The following ITGA5 variants were observed in gnomAD, a reference collection of about 807,000 sequenced individuals.
ITGA5 encodes integrin subunit alpha 5, also known as integrin alpha-5.
A neutral mutation model predicts 146.3 loss-of-function variants in ITGA5; 55 were observed. The observed-to-expected ratio is 0.38, with a 90% confidence interval of 0.30 to 0.47. ITGA5 has a LOEUF of 0.47. Among genes scored for constraint, ITGA5 ranks in the 20% least tolerant of loss-of-function variants. ITGA5 has a pLI of 0.99. For missense variants in ITGA5, 1,131 were observed against 1,329.0 expected (o/e 0.85, Z 2.32); for synonymous variants, 500 against 531.8 (o/e 0.94, Z 0.82).
rs1301500930 is a variant in ITGA5 at position 54,405,337 on chromosome 12, C to T, written c.1054G>A (p.Asp352Asn). The change falls in exon 12 of 30, where the codon GAT becomes AAT. Residue 352 changes from aspartate (D) to asparagine (N), a missense_variant. Around this residue, in one of 3 missense-constraint regions of ITGA5, gnomAD observed 889 missense variants for 1,021.5 expected, o/e 0.87. Transcript: ENST00000293379. ...TGAGGCCGCCCGTCAGGGGTCCGATCCATGAGCAGGGGTGCCCCCACCAGC... is the reference window on the plus strand; with the variant it reads ...TGAGGCCGCCCGTCAGGGGTCCGATTCATGAGCAGGGGTGCCCCCACCAGC... Reference protein sequence around the residue: ...DLLVGAPLLMDRTPDGRPQEV... With the variant: ...DLLVGAPLLMNRTPDGRPQEV... The T allele has an allele frequency of 1.9e-6, 3 of 1,611,662 alleles. No homozygotes were observed. Among genetic ancestry groups the T allele is most frequent in the African/African-American group, 2.7e-5 (2 of 74,874 alleles).
chr12:54,412,013 T>A, intron 1 of ITGA5, 49 bp from the exon 2 acceptor site: 1 of 1,488,276 alleles, frequency 6.7e-7, no homozygotes, highest in South Asian at 1.3e-5. Context: ...TAGCTTTTCA[T>A]TGGTGTCTGG....
rs1692038929 is a variant in ITGA5 at position 54,409,789 on chromosome 12, C to T, written c.350-192G>A. ...TCTGTTTGTGTAGCCTGACTTATCT[C>T]TCCACTACACACATACACATACACA... On this transcript the variant is annotated intron_variant, in intron 2 of 29. Transcript: ENST00000293379. This position sits in a 1 kb window ranked among gnomAD's most constrained non-coding sequence, Gnocchi z 4.7. The T allele has an allele frequency of 5.2e-6, 3 of 574,898 alleles. No homozygotes were observed. Among genetic ancestry groups the T allele is most frequent in the South Asian group, 4.0e-5 (2 of 49,670 alleles). 35.6% of individuals were successfully genotyped at this position (574,898 alleles called of 1,614,324 possible).
intron 9 of ITGA5, chr12:54,407,340 T>C (rs1472455243): frequency 1.7e-5 from 7 of 422,588 alleles, no homozygotes; most frequent in South Asian, 8.6e-5. Flanking sequence ...CAGTTGTACA[T>C]TGCCTAACAA....
At chr12:54,404,594 G>T in intron 13 of ITGA5, 109 bp downstream of exon 13, 1 of 1,479,942 alleles carries the variant, frequency 6.8e-7, no homozygotes, top group Non-Finnish European at 9.4e-7. Flanking sequence ...GCCCTCTGTT[G>T]GAATTAGCCA....
At chr12:54,396,858 G>GT (rs200608334) in intron 29 of ITGA5, among the ~76,000 whole-genome samples, 3,001 of 151,862 alleles carry the variant, frequency 0.02, 73 homozygotes, top group South Asian at 0.087. Flanking sequence ...TAATCTTTGT[G>GT]TTTTTTTTGT....
chr12:54,405,344 C>T lies in ITGA5; in HGVS notation c.1047G>A (p.Leu349=), dbSNP rs1242500809. ...GCCCGTCAGGGGTCCGATCCATGAG[C>T]AGGGGTGCCCCCACCAGCAAGTCAT... ...GLDDLLVGAP[L]LMDRTPDGRP... is the part of the protein sequence containing the mutation. The change falls in exon 12 of 30, where the codon CTG becomes CTA. Residue 349 remains leucine, a synonymous_variant. Coordinates refer to ENST00000293379, the MANE Select transcript of ITGA5 (RefSeq NM_002205.5). 6.2e-7 allele frequency: 1 copy of T among 1,609,854 alleles called. No individual in the cohort carries two copies.
At chr12:54,417,822 C>A (rs989831647) in intron 1 of ITGA5, among the ~76,000 whole-genome samples, 21 of 152,140 alleles carry the variant, frequency 1.4e-4, no homozygotes, top group African/African-American at 4.8e-4. Context: ...AATCTGGCAT[C>A]TATGGCCTAG....
At chr12:54,415,857 G>C (rs781186619) in intron 1 of ITGA5, among the ~76,000 whole-genome samples, 1 of 152,184 alleles carries the variant, frequency 6.6e-6, no homozygotes, top group Non-Finnish European at 1.5e-5. Context: ...GTCTCCACTT[G>C]TGGCAGTTGC....
At chr12:54,418,305 C>T (rs1364663628) in intron 1 of ITGA5, among the ~76,000 whole-genome samples, 1 of 151,890 alleles carries the variant, frequency 6.6e-6, no homozygotes, top group Non-Finnish European at 1.5e-5. Flanking sequence ...GGTCCCCGCA[C>T]TCGCCCCCAG....
Position 54,408,135 on chromosome 12 carries a change from A to G in ITGA5, c.792T>C (p.Ser264=), listed in dbSNP as rs777466251. ...VQGQLQTRQA[S]SIYDDSYLGY... ...CTAGGTAGCTGTCATCATAGATGGA[A>G]CTGGCCTGGCGAGTCTGCAGCTGCC... is the stretch of plus-strand genomic sequence containing the variant. Residue 264 remains serine, a synonymous_variant, in exon 7 of 30, where the codon AGT becomes AGC. Transcript: ENST00000293379. 1.3e-5 allele frequency: 21 copies of G among 1,613,970 alleles called. No individual in the cohort carries two copies. Among genetic ancestry groups the G allele is most frequent in the Middle Eastern group, 1.6e-4 (1 of 6,076 alleles).
At position 54,401,089 on chromosome 12, in the gene ITGA5, G is replaced by C. The variant is rs1955779248; in HGVS notation, c.2494-94C>G. 3 of 1,266,224 alleles carry C rather than the reference G, an allele frequency of 2.4e-6. No homozygotes were observed. The highest frequency in any genetic ancestry group is 2.8e-5 in the South Asian group (2 of 71,354). The allele number at this position is 1,266,224 out of a possible 1,614,324, so 78.4% of individuals were successfully genotyped here. A position where few individuals can be genotyped will look rare whatever the true frequency, so the allele number is the denominator to read the frequency against. Reference sequence around the variant, plus strand: ...CACCATGGCTCCACTATACCCTGCTGTCAGGCTCCTATCTCAGAGATGAAG... The same window carrying C: ...CACCATGGCTCCACTATACCCTGCTCTCAGGCTCCTATCTCAGAGATGAAG... On this transcript the variant is annotated intron_variant, in intron 24 of 29. Transcript: ENST00000293379. The surrounding 1 kb of genome is among the most constrained non-coding windows in gnomAD (Gnocchi z 5.0).
At chr12:54,414,778 C>T (rs1190203985) in intron 1 of ITGA5, among the ~76,000 whole-genome samples, 3 of 149,604 alleles carry the variant, frequency 2.0e-5, no homozygotes. Flanking sequence ...ACCTGGGAGG[C>T]GGAGCTTGCA....
intron 1 of ITGA5, among the ~76,000 whole-genome samples, chr12:54,415,081 G>A (rs1278393761): frequency 6.6e-6 from 1 of 152,202 alleles, no homozygotes; most frequent in African/African-American, 2.4e-5. Flanking sequence ...CAGGGAGGTG[G>A]GGGTTGCGGT....
At chr12:54,404,103 T>C (rs1955827586) in intron 15 of ITGA5, 42 bp downstream of exon 15, 1 of 1,569,398 alleles carries the variant, frequency 6.4e-7, no homozygotes, top group African/African-American at 1.4e-5. Context: ...CCCTGCCCAC[T>C]CCCAGGCTCA....
At position 54,412,669 on chromosome 12, in the gene ITGA5, C is replaced by T. The variant is rs1475890556; in HGVS notation, c.219-705G>A. On this transcript the variant is annotated intron_variant, in intron 1 of 29. Transcript: ENST00000293379. The stretch of plus-strand genomic sequence containing the variant: ...CCCAGCTGACTGAATTCAGAGTCTG[C>T]TCTACCGGGGTCCCAGTTCTGGACA... 2.0e-5 allele frequency among the ~76,000 whole-genome samples: 3 copies of T among 152,224 alleles called. No homozygotes were observed. In the East Asian group the frequency reaches 5.8e-4, roughly 29 times the overall value.
rs773058309 is a variant in ITGA5 at position 54,402,228 on chromosome 12, G to A, written c.2085C>T (p.Val695=). The A allele has an allele frequency of 6.2e-7, 1 of 1,614,078 alleles. No individual in the cohort carries two copies. Among genetic ancestry groups the A allele is most frequent in the Non-Finnish European group, 8.5e-7 (1 of 1,179,992 alleles). The change falls in exon 20 of 30, where the codon GTC becomes GTT. Residue 695 remains valine (V), a synonymous_variant. Transcript: ENST00000293379. ...AGTACTCAGCCTCTGGAGGGGCGGTGACCCGAAGCTCAGCCTCATAGGCGC... is the reference window on the plus strand; with the variant it reads ...AGTACTCAGCCTCTGGAGGGGCGGTAACCCGAAGCTCAGCCTCATAGGCGC... The part of the protein sequence containing the change: ...EGGAYEAELR[V]TAPPEAEYSG...
At chr12:54,404,601 G>A (rs1248311248) in intron 13 of ITGA5, 102 bp downstream of exon 13, 2 of 1,478,424 alleles carry the variant, frequency 1.4e-6, no homozygotes, top group Non-Finnish European at 1.9e-6. Context: ...GTTGGAATTA[G>A]CCAGAACTGC....
rs1955699671 is a variant in ITGA5, at chr12:54,395,782, T to TA, written c.*510dup. On this transcript the variant is annotated 3_prime_UTR_variant, in exon 30 of 30. Coordinates refer to ENST00000293379, the MANE Select transcript of ITGA5 (RefSeq NM_002205.5). ...CTGGTCCTGGGGCACCATGCATAGT[T>TA]AGTGTTCTTTGTTGGCCCACCAGGG... is the stretch of plus-strand genomic sequence containing the variant. 6.3e-6 allele frequency: 1 copy of TA among 158,208 alleles called. No individual in the cohort carries two copies. Among genetic ancestry groups the TA allele is most frequent in the Non-Finnish European group, 1.4e-5 (1 of 71,454 alleles). 9.8% of individuals were successfully genotyped at this position (158,208 alleles called of 1,614,324 possible).
Position 54,398,634 on chromosome 12 carries a change from C to T in ITGA5, c.2906G>A (p.Arg969Gln), listed in dbSNP as rs538642834. The T allele has an allele frequency of 1.4e-5, 22 of 1,611,016 alleles. No individual in the cohort carries two copies. The highest frequency in any genetic ancestry group is 5.5e-5 in the South Asian group (5 of 90,308). ...TTGGGGCAGCTGCCGAGGCAGGATT[C>T]GGTAGGGCATCTTCAGGGCTTTGTA... Reference protein sequence around the residue: ...AVYKALKMPYRILPRQLPQKE... With the variant: ...AVYKALKMPYQILPRQLPQKE... The change falls in exon 28 of 30, where the codon CGA (arginine) becomes CAA (glutamine). Residue 969 changes from arginine to glutamine, a missense_variant. Arg to Gln is a conservative substitution (Grantham distance 43). Around this residue, in one of 3 missense-constraint regions of ITGA5, gnomAD observed 889 missense variants for 1,021.5 expected, o/e 0.87. Coordinates refer to ENST00000293379, the MANE Select transcript of ITGA5 (RefSeq NM_002205.5).
Sources: allele counts gnomAD v4.1 joint callset (sites outside exome capture counted in the v4.1 genomes callset), GRCh38; gene constraint gnomAD v4.1.1; regional missense constraint gnomAD v4.1.1; non-coding constraint Gnocchi (gnomAD v3.1); transcripts MANE v1.5; gene names NCBI Gene and HGNC (gene_info 2026-07-23, HGNC 2026-07-21).